Variants in ABCC9 observed in about 807,000 individuals in gnomAD.
The protein encoded by ABCC9 is ATP-binding cassette sub-family C member 9.
ABCC9 carries 95 observed loss-of-function variants against 188.3 expected under a neutral mutation model. That is an observed-to-expected ratio of 0.50 (90% CI 0.43 to 0.60). ABCC9 has a LOEUF of 0.60. Ranked by LOEUF, ABCC9 falls within the 20% of genes least tolerant of loss-of-function variation. The pLI is 0.00. For missense variants in ABCC9, 1,102 were observed against 1,876.3 expected (o/e 0.59, Z 7.62); for synonymous variants, 659 against 652.7 (o/e 1.01, Z -0.15).
At chr12:21,877,659 G>A (rs1271096949) in intron 16 of ABCC9, among the ~76,000 whole-genome samples, 2 of 152,176 alleles carry the variant, frequency 1.3e-5, no homozygotes, top group Non-Finnish European at 2.9e-5. Flanking sequence ...CACCGTTGAT[G>A]TTCTCAGCAA....
At chr12:21,919,405 A>T (rs7136887) in intron 5 of ABCC9, among the ~76,000 whole-genome samples, 93,031 of 151,588 alleles carry the variant, frequency 0.61, 28,812 homozygotes, top group East Asian at 0.8. Flanking sequence ...TAACATTATG[A>T]CAATATATCC....
intron 39 of ABCC9, among the ~76,000 whole-genome samples, chr12:21,802,355 T>C (rs1941495877): frequency 6.6e-6 from 1 of 152,174 alleles, no homozygotes. Context: ...TGATGGGCTT[T>C]TACTCTTGCT....
In ABCC9 at chr12:21,845,648, T is replaced by C. The variant is rs1290109600; in HGVS notation, c.3051A>G (p.Thr1017=). Residue 1017 remains threonine, a synonymous_variant, in exon 26 of 40, where the codon ACA becomes ACG. Transcript: ENST00000261200. ...TGTTTATACTGTACTCCGATGTCCA[T>C]GTGGCCAGCCAATAGTCTATAGCTA... ...VIVAIDYWLA[T]WTSEYSINNT... 1.9e-5 allele frequency: 31 copies of C among 1,613,732 alleles called. No individual in the cohort carries two copies. Among genetic ancestry groups the C allele is most frequent in the Non-Finnish European group, 2.4e-5 (28 of 1,179,812 alleles).
intron 34 of ABCC9, among the ~76,000 whole-genome samples, 180 bp from the exon 35 acceptor site, chr12:21,814,902 G>C: frequency 6.6e-6 from 1 of 152,018 alleles, no homozygotes; most frequent in Non-Finnish European, 1.5e-5. Context: ...ATAAAAACAG[G>C]CTGGGCACAA....
intron 15 of ABCC9, among the ~76,000 whole-genome samples, chr12:21,884,430 A>G (rs1227945875): frequency 1.3e-5 from 2 of 152,132 alleles, no homozygotes; most frequent in East Asian, 3.9e-4. Flanking sequence ...GTAATAATAC[A>G]CTTTAAACTG....
rs1285639817 is a variant in ABCC9 at position 21,852,115 on chromosome 12, T to C, written c.2751A>G (p.Gln917=). The change falls in exon 24 of 40, where the codon CAA becomes CAG. Residue 917 remains glutamine, a synonymous_variant. Transcript: ENST00000261200. ...YEHWKTLMNR[Q]DQELEKDMEA... is the part of the protein sequence containing the mutation. ...CACTTACCTTTTCTAATTCTTGATC[T>C]TGCCGATTCATAAGTGTTTTCCAGT... The C allele has an allele frequency of 8.7e-6, 14 of 1,613,766 alleles. No individual in the cohort carries two copies. Among genetic ancestry groups the C allele is most frequent in the Non-Finnish European group, 1.2e-5 (14 of 1,179,858 alleles).
chr12:21,880,351 G>C (rs567286561), intron 16 of ABCC9, among the ~76,000 whole-genome samples: 2 of 151,982 alleles, frequency 1.3e-5, no homozygotes, highest in Non-Finnish European at 2.9e-5. Context: ...TCTTAAATAA[G>C]ATGAAAAACC....
At chr12:21,871,555 T>C (rs889905592) in intron 18 of ABCC9, among the ~76,000 whole-genome samples, 2 of 152,186 alleles carry the variant, frequency 1.3e-5, no homozygotes, top group African/African-American at 2.4e-5. Context: ...CATAGTCTTC[T>C]CATTCTTGAG....
intron 29 of ABCC9, among the ~76,000 whole-genome samples, chr12:21,839,677 G>A (rs915102533): frequency 6.6e-6 from 1 of 151,936 alleles, no homozygotes; most frequent in African/African-American, 2.4e-5. Flanking sequence ...CTAGGTTTTT[G>A]GGGTTGAGAA....
At chr12:21,828,666 A>G (rs1483587075) in intron 31 of ABCC9, 3 of 386,480 alleles carry the variant, frequency 7.8e-6, no homozygotes, top group Non-Finnish European at 1.5e-5. Context: ...GCTCTTTTGG[A>G]AAAAAAAATT....
At chr12:21,895,613 A>G (rs1410423385) in intron 12 of ABCC9, among the ~76,000 whole-genome samples, 3 of 152,236 alleles carry the variant, frequency 2.0e-5, no homozygotes, top group Non-Finnish European at 4.4e-5. Context: ...AAAAATTATT[A>G]GAATTTACAA....
At chr12:21,909,544 T>TA (rs1948216825) in intron 10 of ABCC9, among the ~76,000 whole-genome samples, 1 of 152,002 alleles carries the variant, frequency 6.6e-6, no homozygotes, top group East Asian at 1.9e-4. Context: ...GTGTCTTTAC[T>TA]AAAATGTTAT....
At chr12:21,825,511 G>C (rs547376464) in intron 31 of ABCC9, among the ~76,000 whole-genome samples, 1 of 152,188 alleles carries the variant, frequency 6.6e-6, no homozygotes, top group African/African-American at 2.4e-5. Flanking sequence ...GATGAAGCTG[G>C]AAACCATCAT....
At position 21,845,596 on chromosome 12, in the gene ABCC9, A is replaced by AT; in HGVS notation, c.3096+6dup. 1 of 1,611,900 alleles carries AT rather than the reference A, an allele frequency of 6.2e-7. No individual in the cohort carries two copies. Among genetic ancestry groups the AT allele is most frequent in the South Asian group, 1.1e-5 (1 of 91,002 alleles). ...ATGATTTAAAAACAAAACCGAACCA[A>AT]TTGTACCTGATCAGCTTTTCCAGTA... On this transcript the variant is annotated splice_region_variant and intron_variant, in intron 26 of 39. Coordinates refer to ENST00000261200, the MANE Select transcript of ABCC9 (RefSeq NM_020297.4).
chr12:21,915,557 G>A (rs1469525379), intron 7 of ABCC9, 111 bp downstream of exon 7: 35 of 660,124 alleles, frequency 5.3e-5, no homozygotes, highest in Middle Eastern at 6.3e-4. Context: ...CTGTCACCCC[G>A]GCTGGAGTGC....
chr12:21,866,221 G>A (rs894359663), intron 18 of ABCC9, among the ~76,000 whole-genome samples: 1 of 134,512 alleles, frequency 7.4e-6, no homozygotes, highest in African/African-American at 2.8e-5. Context: ...TAATGAAGGG[G>A]CTCATAATCC....
At chr12:21,822,649 G>T (rs553381795) in intron 31 of ABCC9, among the ~76,000 whole-genome samples, 1 of 145,488 alleles carries the variant, frequency 6.9e-6, no homozygotes, top group East Asian at 2.0e-4. Context: ...AAATTAGCTG[G>T]GTGTGATGGC....
At chr12:21,822,948 T>A (rs1943145150) in intron 31 of ABCC9, among the ~76,000 whole-genome samples, 1 of 152,134 alleles carries the variant, frequency 6.6e-6, no homozygotes, top group Non-Finnish European at 1.5e-5. Flanking sequence ...GGCAATAAAC[T>A]AAGAAAGGAG....
intron 12 of ABCC9, among the ~76,000 whole-genome samples, chr12:21,904,931 A>G (rs1425293093): frequency 1.3e-5 from 2 of 152,364 alleles, no homozygotes; most frequent in East Asian, 3.9e-4. Context: ...ATTACTGGGT[A>G]TATACCCAAA....
Sources: allele counts gnomAD v4.1 joint callset (sites outside exome capture counted in the v4.1 genomes callset), GRCh38; gene constraint gnomAD v4.1.1; transcripts MANE v1.5; gene names NCBI Gene and HGNC (gene_info 2026-07-23, HGNC 2026-07-21).